The following NBAS variants were observed in gnomAD, a reference collection of about 807,000 sequenced individuals.
NBAS encodes the protein NAG/BC035112 fusion.
NBAS carries 219 observed loss-of-function variants against 302.5 expected under a neutral mutation model. That is an observed-to-expected ratio of 0.72 (90% CI 0.65 to 0.81). The LOEUF (loss-of-function observed/expected upper bound fraction) is 0.81. NBAS is among the 30% of genes least tolerant of loss of function. The pLI is 0.00. For synonymous variants in NBAS, 1,118 were observed against 1,021.6 expected (o/e 1.09, Z -1.80); for missense variants, 2,932 against 2,841.6 (o/e 1.03, Z -0.72).
At chr2:15,215,051 T>C (rs1414268547) in intron 48 of NBAS, among the ~76,000 whole-genome samples, 3 of 152,176 alleles carry the variant, frequency 2.0e-5, no homozygotes, top group African/African-American at 7.2e-5. Context: ...CCCATATTTT[T>C]CATGCACCAG....
At chr2:15,247,410 C>G in intron 44 of NBAS, among the ~76,000 whole-genome samples, 1 of 152,140 alleles carries the variant, frequency 6.6e-6, no homozygotes, top group African/African-American at 2.4e-5. Flanking sequence ...TGTAAACAGG[C>G]TAAATGCCCC....
chr2:15,101,214 A>T, the NBAS span, among the ~76,000 whole-genome samples: 1 of 152,178 alleles, frequency 6.6e-6, no homozygotes. Flanking sequence ...CTGTATTGTC[A>T]AGTAGTAAAA....
chr2:15,397,964 G>A (rs1004605431), intron 26 of NBAS, among the ~76,000 whole-genome samples: 1 of 152,120 alleles, frequency 6.6e-6, no homozygotes, highest in Non-Finnish European at 1.5e-5. Flanking sequence ...AACTTACAAA[G>A]ATTACACTAT....
At chr2:15,059,868 C>G in the NBAS span, among the ~76,000 whole-genome samples, 5 of 144,740 alleles carry the variant, frequency 3.5e-5, no homozygotes, top group Non-Finnish European at 6.0e-5. Flanking sequence ...AGTCAGGTGA[C>G]AGCAAAAAGG....
At chr2:14,809,546 T>C in the NBAS span, among the ~76,000 whole-genome samples, 34 of 152,308 alleles carry the variant, frequency 2.2e-4, 1 homozygote, top group Middle Eastern at 3.4e-3. Flanking sequence ...CCCCCTAGAT[T>C]TCACAGGATG....
intron 9 of NBAS, among the ~76,000 whole-genome samples, chr2:15,517,448 T>C (rs1438806769): frequency 6.6e-6 from 1 of 152,168 alleles, no homozygotes; most frequent in Non-Finnish European, 1.5e-5. Context: ...CAGCTGCCTC[T>C]AGAGGGAAGA....
At chr2:14,834,452 C>G in the NBAS span, among the ~76,000 whole-genome samples, 1 of 152,092 alleles carries the variant, frequency 6.6e-6, no homozygotes, top group Non-Finnish European at 1.5e-5. Context: ...AAAGAGGTGA[C>G]ATTTTCTGCC....
the NBAS span, among the ~76,000 whole-genome samples, chr2:15,051,865 T>G: frequency 6.6e-6 from 1 of 152,194 alleles, no homozygotes; most frequent in Admixed American, 6.5e-5. Flanking sequence ...TAAATGTTCT[T>G]TCTCTAGTCT....
intron 51 of NBAS, among the ~76,000 whole-genome samples, chr2:15,168,225 G>A (rs1405138994): frequency 2.0e-5 from 3 of 152,116 alleles, no homozygotes; most frequent in Non-Finnish European, 2.9e-5. Flanking sequence ...TGGATTGTAG[G>A]ACTCTCAGAA....
the NBAS span, among the ~76,000 whole-genome samples, chr2:15,089,742 C>CTTTTTTTTTTTTTTTTTTTTTTTTT: frequency 1.3e-5 from 1 of 78,798 alleles, no homozygotes; most frequent in Non-Finnish European, 2.3e-5. Flanking sequence ...TGGGTCAGGA[C>CTTTTTTTTTTTTTTTTTTTTTTTTT]TTTTTTTTTT....
chr2:15,473,198 C>A, intron 16 of NBAS, 24 bp downstream of exon 16: 1 of 1,612,432 alleles, frequency 6.2e-7, no homozygotes. Context: ...CATTTTACCA[C>A]ATTACCAAAA....
At chr2:14,824,566 G>T in the NBAS span, among the ~76,000 whole-genome samples, 1 of 152,104 alleles carries the variant, frequency 6.6e-6, no homozygotes, top group Non-Finnish European at 1.5e-5. Flanking sequence ...AAGGGCATCA[G>T]CAGCAGCTTA....
chr2:15,241,223 G>C (rs569048949), intron 44 of NBAS, among the ~76,000 whole-genome samples: 147 of 152,200 alleles, frequency 9.7e-4, no homozygotes, highest in African/African-American at 3.4e-3. Context: ...GTTTCCCCAA[G>C]AAATATAAAT....
chr2:14,835,905 C>A, the NBAS span, among the ~76,000 whole-genome samples: 1 of 151,944 alleles, frequency 6.6e-6, no homozygotes, highest in Non-Finnish European at 1.5e-5. Flanking sequence ...ATTCTAAAGT[C>A]ACTGTACCAC....
chr2:15,463,405 A>G (rs1205026152), intron 19 of NBAS, among the ~76,000 whole-genome samples: 1 of 152,150 alleles, frequency 6.6e-6, no homozygotes, highest in African/African-American at 2.4e-5. Context: ...AAACACTTCA[A>G]TGTCTAACCC....
At position 15,227,735 on chromosome 2, in the gene NBAS, AAGTAC is replaced by A. The variant is rs372085547; in HGVS notation, c.6236+4682_6236+4686del. ...AGGCTCCAAGAACACACACTGGGAA[AAGTAC>A]AGTCTCTTCAATAAATGGTGCTGAG... On this transcript the variant is annotated intron_variant, in intron 47 of 51. Transcript: ENST00000281513. Among the ~76,000 whole-genome samples, 26 of 152,312 alleles carry A rather than the reference AAGTAC, an allele frequency of 1.7e-4. No individual in the cohort carries two copies. In the East Asian group the frequency reaches 4.8e-3, roughly 28 times the overall value.
chr2:15,062,469 G>T, the NBAS span, among the ~76,000 whole-genome samples: 7 of 152,138 alleles, frequency 4.6e-5, no homozygotes, highest in African/African-American at 1.7e-4. Flanking sequence ...TTATCCCCCA[G>T]TTTGGCATGA....
intron 30 of NBAS, among the ~76,000 whole-genome samples, chr2:15,376,649 G>T (rs1674757857): frequency 6.6e-6 from 1 of 152,100 alleles, no homozygotes; most frequent in South Asian, 2.1e-4. Flanking sequence ...GCGTTGCTAG[G>T]TCTGAAATAA....
At chr2:15,161,363 T>A in the NBAS span, among the ~76,000 whole-genome samples, 1 of 152,126 alleles carries the variant, frequency 6.6e-6, no homozygotes, top group Admixed American at 6.5e-5. Context: ...GCAAAGGTGA[T>A]GTAAAAAAAC....
Sources: allele counts gnomAD v4.1 joint callset (sites outside exome capture counted in the v4.1 genomes callset), GRCh38; gene constraint gnomAD v4.1.1; transcripts MANE v1.5; gene names NCBI Gene and HGNC (gene_info 2026-07-23, HGNC 2026-07-21).